MCTP2: variants seen among roughly 807,000 people sequenced by gnomAD.
The protein encoded by MCTP2 is multiple C2 and transmembrane domain-containing protein 2.
Under a neutral mutation model 111.6 loss-of-function variants are expected in MCTP2, and 132 were observed. The ratio of observed to expected loss-of-function variants is 1.18; its 90% confidence interval spans 1.03 to 1.37. The LOEUF is 1.37. MCTP2 is among the 40% of genes most tolerant of loss of function. MCTP2 has a pLI of 0.00. For missense variants in MCTP2, 1,183 were observed against 1,067.9 expected (o/e 1.11, Z -1.50); for synonymous variants, 395 against 387.7 (o/e 1.02, Z -0.22).
At chr15:94,448,466 G>A (rs2152517907) in intron 19 of MCTP2, among the ~76,000 whole-genome samples, 1 of 152,256 alleles carries the variant, frequency 6.6e-6, no homozygotes, top group Non-Finnish European at 1.5e-5. Flanking sequence ...TATATAGATT[G>A]AGTATCCCTA....
At chr15:94,286,234 C>T (rs1012126852) in intron 1 of MCTP2, among the ~76,000 whole-genome samples, 1 of 152,102 alleles carries the variant, frequency 6.6e-6, no homozygotes, top group African/African-American at 2.4e-5. Flanking sequence ...AAATTCTTTT[C>T]CCAGTTCTAT....
chr15:94,468,747 G>GCC (rs1417782265), intron 20 of MCTP2, among the ~76,000 whole-genome samples: 1 of 152,030 alleles, frequency 6.6e-6, no homozygotes, highest in East Asian at 1.9e-4. Flanking sequence ...TGATTCTCCT[G>GCC]CCTCCCAAGT....
intron 4 of MCTP2, among the ~76,000 whole-genome samples, chr15:94,322,963 C>G (rs1472305752): frequency 6.6e-6 from 1 of 152,186 alleles, no homozygotes; most frequent in Non-Finnish European, 1.5e-5. Flanking sequence ...GAAAAGGTCT[C>G]AGATACCAGA....
chr15:94,258,480 G>A (rs2072982825), intron 1 of MCTP2, among the ~76,000 whole-genome samples: 1 of 152,198 alleles, frequency 6.6e-6, no homozygotes, highest in Non-Finnish European at 1.5e-5. Flanking sequence ...TAAAAAGGAA[G>A]TGGTGCATGC....
chr15:94,458,487 C>CACCCCAACAAAAAAA (rs1445186715), intron 20 of MCTP2, among the ~76,000 whole-genome samples: 1 of 152,170 alleles, frequency 6.6e-6, no homozygotes, highest in African/African-American at 2.4e-5. Context: ...ATAAATATTA[C>CACCCCAACAAAAAAA]TAGTGTTCCC....
At chr15:94,456,557 C>T (rs961973634) in intron 19 of MCTP2, among the ~76,000 whole-genome samples, 8 of 152,014 alleles carry the variant, frequency 5.3e-5, no homozygotes, top group Admixed American at 3.3e-4. Flanking sequence ...TAATAGATGT[C>T]GGTGGACTCA....
At chr15:94,362,928 C>G (rs372382593) in intron 10 of MCTP2, among the ~76,000 whole-genome samples, 144 of 152,124 alleles carry the variant, frequency 9.5e-4, no homozygotes, top group African/African-American at 3.3e-3. Context: ...GAGAGGCTGG[C>G]TTTAATATAT....
chr15:94,269,046 A>G (rs1025682459), intron 1 of MCTP2, among the ~76,000 whole-genome samples: 2 of 152,178 alleles, frequency 1.3e-5, no homozygotes, highest in African/African-American at 4.8e-5. Context: ...TTTTAATAAT[A>G]TTGTTTAAAT....
rs771234403 is a variant in MCTP2, at chr15:94,385,501, A to G, written c.1764A>G (p.Gly588=). 45 of 1,612,966 alleles carry G rather than the reference A, an allele frequency of 2.8e-5. No homozygotes were observed. The highest frequency in any genetic ancestry group is 3.3e-4 in the Middle Eastern group (2 of 6,058). ...EDGDKPPDFL[G]KVAIPLLSIR... is the part of the protein sequence containing the mutation. ...GAGATAAACCCCCAGATTTTCTTGG[A>G]AAAGTTGCCATTCCCTTGCTGTCCG... Residue 588 remains glycine, a synonymous_variant, in exon 14 of 23, where the codon GGA becomes GGG. Transcript: ENST00000357742.
intron 1 of MCTP2, among the ~76,000 whole-genome samples, chr15:94,238,855 G>A (rs373232772): frequency 6.6e-6 from 1 of 152,072 alleles, no homozygotes; most frequent in African/African-American, 2.4e-5. Context: ...TTTAAGCTTT[G>A]TTAATGACAA....
At chr15:94,256,945 A>C (rs1043466707) in intron 1 of MCTP2, among the ~76,000 whole-genome samples, 1 of 152,144 alleles carries the variant, frequency 6.6e-6, no homozygotes, top group Non-Finnish European at 1.5e-5. Flanking sequence ...AATCAAATCA[A>C]TCAATCCTCT....
At chr15:94,313,596 G>C (rs555596423) in intron 2 of MCTP2, among the ~76,000 whole-genome samples, 20 of 152,232 alleles carry the variant, frequency 1.3e-4, no homozygotes, top group African/African-American at 4.6e-4. Context: ...AGCTACTCGG[G>C]AGGCTGAGGC....
chr15:94,298,783 T>G (rs1173765614), intron 2 of MCTP2, 53 bp downstream of exon 2: 1 of 1,175,516 alleles, frequency 8.5e-7, no homozygotes, highest in East Asian at 2.5e-5. Flanking sequence ...TCTCTCTCTT[T>G]CCCTCTCTTT....
chr15:94,448,227 T>C (rs1342585141), intron 19 of MCTP2, among the ~76,000 whole-genome samples: 1 of 152,224 alleles, frequency 6.6e-6, no homozygotes, highest in Non-Finnish European at 1.5e-5. Context: ...ATAGTATCAG[T>C]CTGGCCTTCT....
intron 12 of MCTP2, among the ~76,000 whole-genome samples, chr15:94,382,216 G>A (rs1159329903): frequency 6.6e-6 from 1 of 152,262 alleles, no homozygotes; most frequent in East Asian, 1.9e-4. Flanking sequence ...TTCCTGGTAT[G>A]AGATATGGGC....
chr15:94,432,503 T>G (rs1596688904), intron 17 of MCTP2, among the ~76,000 whole-genome samples: 1 of 152,290 alleles, frequency 6.6e-6, no homozygotes, highest in East Asian at 1.9e-4. Flanking sequence ...CCATGTTGGC[T>G]AGATTCCCAA....
intron 21 of MCTP2, among the ~76,000 whole-genome samples, chr15:94,473,704 G>A (rs949300379): frequency 2.6e-5 from 4 of 152,044 alleles, no homozygotes; most frequent in Non-Finnish European, 4.4e-5. Context: ...CCTATGCCTC[G>A]TTTAAGTTTG....
At chr15:94,461,914 A>G (rs1257141670) in intron 20 of MCTP2, among the ~76,000 whole-genome samples, 2 of 152,212 alleles carry the variant, frequency 1.3e-5, no homozygotes, top group Non-Finnish European at 1.5e-5. Context: ...CAAGAGTGAC[A>G]TGTCAAAAGG....
At chr15:94,321,307 A>T (rs926480648) in intron 4 of MCTP2, among the ~76,000 whole-genome samples, 1 of 152,204 alleles carries the variant, frequency 6.6e-6, no homozygotes, top group Non-Finnish European at 1.5e-5. Context: ...GAAGATTTGG[A>T]ATATTCCCAA....
Sources: gnomAD v4.1 joint callset for allele counts (sites outside exome capture counted in the v4.1 genomes callset) on GRCh38, gnomAD v4.1.1 for gene constraint, MANE v1.5 for transcripts, NCBI Gene and HGNC (gene_info 2026-07-23, HGNC 2026-07-21) for gene names.